Variants in TMPRSS9 observed in about 807,000 individuals in gnomAD.
TMPRSS9 encodes the protein transmembrane serine protease 9.
Under a neutral mutation model 111.4 loss-of-function variants are expected in TMPRSS9, and 113 were observed. The ratio of observed to expected loss-of-function variants is 1.01; its 90% confidence interval spans 0.87 to 1.19. The LOEUF (loss-of-function observed/expected upper bound fraction) is 1.19, where lower values mean the gene tolerates loss of function less well. Ranked by LOEUF, TMPRSS9 falls within the 50% of genes most tolerant of loss-of-function variation. TMPRSS9 has a pLI of 0.00. For missense variants in TMPRSS9, 1,803 were observed against 1,513.1 expected (o/e 1.19, Z -3.18); for synonymous variants, 805 against 659.1 (o/e 1.22, Z -3.39).
chr19:2,390,231 G>GTTTTT lies in TMPRSS9; in HGVS notation c.142+311_142+315dup, dbSNP rs1198106187. 2.4e-3 allele frequency among the ~76,000 whole-genome samples: 264 copies of GTTTTT among 110,564 alleles called. 31 individuals carry two copies. The highest frequency in any genetic ancestry group is 7.6e-3 in the African/African-American group (211 of 27,934). The allele number at this position is 110,564 out of a possible 152,430, so 72.5% of individuals were successfully genotyped here. ...GCAAATCAGCAAAATACCCAAAGTA[G>GTTTTT]TTTTTTTTTTTGTTTTTTTTTTTTT... On this transcript the variant is annotated intron_variant, in intron 1 of 17. Transcript: ENST00000648592.
At chr19:2,424,873 ACCGACAG>A in intron 15 of TMPRSS9, 122 bp from the exon 17 acceptor site, 1 of 1,206,496 alleles carries the variant, frequency 8.3e-7, no homozygotes, top group Non-Finnish European at 1.1e-6. Flanking sequence ...CCATTCCCAG[ACCGACAG>A]CCAGAGACCA....
chr19:2,422,141 G>A, exon 14 of TMPRSS9: 3 of 1,592,952 alleles, frequency 1.9e-6, no homozygotes, highest in Non-Finnish European at 2.6e-6. Context: ...CCAGCAGGGT[G>A]ACGGGCCAAC....
At chr19:2,407,255 C>T (rs1204016395) in intron 7 of TMPRSS9, among the ~76,000 whole-genome samples, 1 of 151,892 alleles carries the variant, frequency 6.6e-6, no homozygotes, top group Admixed American at 6.6e-5. Context: ...GAGCTTGTGG[C>T]TCATGAGTGT....
chr19:2,417,143 A>G (rs1971259539), intron 12 of TMPRSS9, among the ~76,000 whole-genome samples: 1 of 152,176 alleles, frequency 6.6e-6, no homozygotes, highest in South Asian at 2.1e-4. Flanking sequence ...AAAGCTGAAA[A>G]TATTTAATTC....
chr19:2,412,123 G>A (rs777677515), intron 9 of TMPRSS9, among the ~76,000 whole-genome samples: 6 of 152,282 alleles, frequency 3.9e-5, no homozygotes, highest in Middle Eastern at 3.4e-3. Context: ...GCTGGGTGCA[G>A]TGGCTCACAC....
At chr19:2,368,774 G>GTTTTTTTTTTTTTTTTTTTTTTTTTTT (rs762761358) in intron 1 of TMPRSS9, among the ~76,000 whole-genome samples, 4 of 70,386 alleles carry the variant, frequency 5.7e-5, no homozygotes, top group African/African-American at 1.2e-4. Flanking sequence ...GATAAACCCA[G>GTTTTTTTTTTTTTTTTTTTTTTTTTTT]TTTTTTTTTT....
At chr19:2,397,217 A>G (rs1456357437) in intron 2 of TMPRSS9, among the ~76,000 whole-genome samples, 1 of 152,074 alleles carries the variant, frequency 6.6e-6, no homozygotes, top group African/African-American at 2.4e-5. Flanking sequence ...CACCGTACCC[A>G]ACCTGCCACA....
At chr19:2,401,840 G>T (rs914472291) in intron 4 of TMPRSS9, 135 bp from the exon 6 acceptor site, 3 of 466,350 alleles carry the variant, frequency 6.4e-6, no homozygotes, top group African/African-American at 2.1e-5. Context: ...ACTCCTGACC[G>T]CAAATGATCC....
intron 1 of TMPRSS9, among the ~76,000 whole-genome samples, chr19:2,372,511 AG>A (rs1024575571): frequency 6.6e-6 from 1 of 151,908 alleles, no homozygotes; most frequent in Non-Finnish European, 1.5e-5. Context: ...TCCCACCCCC[AG>A]TCTTTGGAAA....
chr19:2,404,731 G>GACC (rs1970933059), intron 6 of TMPRSS9, among the ~76,000 whole-genome samples: 1 of 152,012 alleles, frequency 6.6e-6, no homozygotes, highest in East Asian at 1.9e-4. Context: ...AGGAGTTCGA[G>GACC]ACCAGCCTGG....
upstream of TMPRSS9, among the ~76,000 whole-genome samples, chr19:2,388,916 G>A (rs897016130): frequency 2.0e-5 from 3 of 151,510 alleles, no homozygotes; most frequent in South Asian, 2.1e-4. Context: ...GAGCCACCAC[G>A]CCTGGCCGAA....
At chr19:2,379,340 C>T (rs1970362702) in intron 1 of TMPRSS9, among the ~76,000 whole-genome samples, 1 of 151,982 alleles carries the variant, frequency 6.6e-6, no homozygotes, top group African/African-American at 2.4e-5. Context: ...TGCCCGCCAC[C>T]ACGCCTGGCT....
At chr19:2,386,931 G>A (rs140234691), upstream of TMPRSS9, among the ~76,000 whole-genome samples, 33 of 152,156 alleles carry the variant, frequency 2.2e-4, no homozygotes, top group East Asian at 6.2e-3. Flanking sequence ...GGCGGAGCTT[G>A]TAGTGAGATC....
chr19:2,411,332 A>AAG (rs1568184869), intron 9 of TMPRSS9, among the ~76,000 whole-genome samples: 22 of 139,750 alleles, frequency 1.6e-4, no homozygotes, highest in Middle Eastern at 3.8e-3. Context: ...AAAAAAAAAA[A>AAG]AGAGAAAATC....
rs149557529 is a variant in TMPRSS9, at chr19:2,369,725, C to T, written c.-26+9365C>T. Among the ~76,000 whole-genome samples the T allele has an allele frequency of 2.6e-3, 391 of 151,936 alleles. 4 individuals are homozygous for T. The highest frequency in any genetic ancestry group is 8.7e-3 in the African/African-American group (360 of 41,410). Reference sequence around the variant, plus strand: ...AAGTGCTGGGATTACAGACCTGAGCCACTGCACCTGGCCTAGTTTTCTGCA... The same window carrying T: ...AAGTGCTGGGATTACAGACCTGAGCTACTGCACCTGGCCTAGTTTTCTGCA... On this transcript the variant is annotated intron_variant, in intron 1 of 17. Coordinates refer to the TMPRSS9 transcript ENST00000649857.
Position 2,406,988 on chromosome 19 carries a change from C to T in TMPRSS9, c.843-1368C>T, listed in dbSNP as rs893267406. On this transcript the variant is annotated intron_variant, in intron 7 of 17. Coordinates refer to ENST00000648592, the Ensembl canonical transcript of TMPRSS9. ...CTAATTTTTGTATTTTTAGTAGAGACGTGGTTTTGCCATGTTGGCCAGGCT... is the reference window on the plus strand; with the variant it reads ...CTAATTTTTGTATTTTTAGTAGAGATGTGGTTTTGCCATGTTGGCCAGGCT... 4.0e-5 allele frequency among the ~76,000 whole-genome samples: 6 copies of T among 149,254 alleles called. 1 individual carries two copies. In the South Asian group the frequency reaches 8.6e-4, roughly 21 times the overall value.
intron 1 of TMPRSS9, among the ~76,000 whole-genome samples, chr19:2,375,194 C>A (rs527350430): frequency 2.6e-5 from 4 of 152,232 alleles, no homozygotes; most frequent in Non-Finnish European, 4.4e-5. Flanking sequence ...GGGAAGAAGG[C>A]GTCTCCGTCC....
chr19:2,425,193 T>A, exon 16 of TMPRSS9: 1 of 1,531,884 alleles, frequency 6.5e-7, no homozygotes, highest in Non-Finnish European at 8.7e-7. Context: ...CCCATCTGCC[T>A]GCCCGAGCCC....
At chr19:2,389,712 C>A, upstream of TMPRSS9, 2 of 1,516,418 alleles carry the variant, frequency 1.3e-6, no homozygotes, top group South Asian at 2.4e-5. Context: ...GGAAGAGAAG[C>A]ACCTTCAGCC....
Sources: allele counts gnomAD v4.1 joint callset (sites outside exome capture counted in the v4.1 genomes callset), GRCh38; gene constraint gnomAD v4.1.1; transcripts MANE v1.5; gene names NCBI Gene and HGNC (gene_info 2026-07-23, HGNC 2026-07-21).